CDNF: variants seen among roughly 807,000 people sequenced by gnomAD.
CDNF encodes the protein cerebral dopamine neurotrophic factor, also known as ARMET-like protein 1.
A neutral mutation model predicts 14.8 loss-of-function variants in CDNF; 9 were observed. The ratio of observed to expected loss-of-function variants is 0.61; its 90% CI spans 0.37 to 1.06. The LOEUF (loss-of-function observed/expected upper bound fraction) is 1.06. Among genes scored for constraint, CDNF ranks in the 50% least tolerant of loss-of-function variants. The pLI, the probability that CDNF is intolerant of heterozygous loss-of-function variation, is 0.01. For missense variants in CDNF, 228 were observed against 228.4 expected, an observed-to-expected ratio of 1.00 and a Z score of 0.01; for synonymous variants, 86 against 87.2, an observed-to-expected ratio of 0.99 and a Z score of 0.07.
chr10:14,823,993 T>C (rs551542604), intron 3 of CDNF, among the ~76,000 whole-genome samples: 1 of 152,326 alleles, frequency 6.6e-6, no homozygotes, highest in South Asian at 2.1e-4. Flanking sequence ...ACCTTAAACC[T>C]ACTTAAAGCT....
At chr10:14,831,863 C>T (rs968452928) in intron 1 of CDNF, among the ~76,000 whole-genome samples, 4 of 152,126 alleles carry the variant, frequency 2.6e-5, no homozygotes, top group South Asian at 2.1e-4. Flanking sequence ...TGTGAGCCAC[C>T]GTGCCTAGCC....
intron 3 of CDNF, among the ~76,000 whole-genome samples, chr10:14,821,034 G>T (rs1403683465): frequency 6.6e-6 from 1 of 152,130 alleles, no homozygotes; most frequent in African/African-American, 2.4e-5. Flanking sequence ...AGTTTCCTGA[G>T]GCCTCCCCAG....
At chr10:14,826,149 G>GAGA (rs1374565008) in intron 2 of CDNF, among the ~76,000 whole-genome samples, 4 of 122,632 alleles carry the variant, frequency 3.3e-5, no homozygotes, top group East Asian at 5.5e-4. Flanking sequence ...GAAGGAGAAG[G>GAGA]AGAAGAAGAA....
At chr10:14,837,776 G>T in intron 1 of CDNF, 56 bp downstream of exon 1, 1 of 1,086,754 alleles carries the variant, frequency 9.2e-7, no homozygotes, top group Non-Finnish European at 1.3e-6. Context: ...AAAGCCGACA[G>T]CTGCTGCGCC....
intron 3 of CDNF, among the ~76,000 whole-genome samples, chr10:14,820,441 AC>A (rs780110143): frequency 6.2e-4 from 95 of 152,208 alleles, no homozygotes; most frequent in Non-Finnish European, 1.1e-3. Context: ...AAAAATACAA[AC>A]AGGGCTGGGC....
Position 14,819,787 on chromosome 10 carries a change from C to A in CDNF, c.*193G>T, listed in dbSNP as rs1416781311. On this transcript the variant is annotated 3_prime_UTR_variant, in exon 4 of 4. Transcript: ENST00000465530. ...AAAGGAACTTTTAGCTTTTGGTACA[C>A]TGCAAATGTAAGTTATCAGTAGTAT... 1.3e-5 allele frequency: 7 copies of A among 530,248 alleles called. No homozygotes were observed. The highest frequency in any genetic ancestry group is 2.3e-5 in the Non-Finnish European group (7 of 307,846). The allele number at this position is 530,248 out of a possible 1,614,324, so 32.8% of individuals were successfully genotyped here.
chr10:14,827,987 T>G (rs1833812916), intron 2 of CDNF, among the ~76,000 whole-genome samples, 158 bp downstream of exon 2: 1 of 152,194 alleles, frequency 6.6e-6, no homozygotes, highest in South Asian at 2.1e-4. Context: ...CACGCAGAAC[T>G]ACATGTCACT....
intron 1 of CDNF, among the ~76,000 whole-genome samples, chr10:14,834,763 C>T (rs1029731100): frequency 2.0e-5 from 3 of 152,028 alleles, no homozygotes; most frequent in Non-Finnish European, 4.4e-5. Flanking sequence ...AACAAAGGAG[C>T]GGCACCTGGA....
rs1187077347 is a variant in CDNF at position 14,826,179 on chromosome 10, CAGAAGCAGAAGCAGCAGA to C, written c.244-577_244-560del. ...GAAGAAGAAGAAGCAGAAGCAGCAG[CAGAAGCAGAAGCAGCAGA>C]AGAAGAAGAAGAAGAAGAAGAAGCA... is the stretch of plus-strand genomic sequence containing the variant. On this transcript the variant is annotated intron_variant, in intron 2 of 3. Coordinates refer to ENST00000465530, the MANE Select transcript of CDNF (RefSeq NM_001029954.3). Among the ~76,000 whole-genome samples, 99 of 129,500 alleles carry C rather than the reference CAGAAGCAGAAGCAGCAGA, an allele frequency of 7.6e-4. 3 individuals are homozygous for C. Among genetic ancestry groups the C allele is most frequent in the Middle Eastern group, 4.6e-3 (1 of 216 alleles). The allele number at this position is 129,500 out of a possible 152,430, so 85.0% of individuals were successfully genotyped here.
chr10:14,819,825 T>G lies in CDNF; in HGVS notation c.*155A>C. 1 of 725,822 alleles carries G rather than the reference T, an allele frequency of 1.4e-6. No homozygotes were observed. Among genetic ancestry groups the G allele is most frequent in the African/African-American group, 1.8e-5 (1 of 56,184 alleles). 45.0% of individuals were successfully genotyped at this position (725,822 alleles called of 1,614,324 possible). A position where few individuals can be genotyped will look rare whatever the true frequency, so the allele number is the denominator to read the frequency against. ...TTATCAGTAGTATTAGTTTCACTCA[T>G]AAACCCACGTAACAAAATTCTGAGG... On this transcript the variant is annotated 3_prime_UTR_variant, in exon 4 of 4. Transcript: ENST00000465530.
intron 1 of CDNF, among the ~76,000 whole-genome samples, chr10:14,831,104 A>C (rs952921160): frequency 5.3e-5 from 8 of 152,184 alleles, no homozygotes; most frequent in Non-Finnish European, 8.8e-5. Flanking sequence ...AGATGGAAAT[A>C]GGTTGTAGTT....
At chr10:14,824,423 T>C (rs1833762334) in intron 3 of CDNF, among the ~76,000 whole-genome samples, 1 of 152,050 alleles carries the variant, frequency 6.6e-6, no homozygotes, top group Non-Finnish European at 1.5e-5. Flanking sequence ...CTGGCCAACA[T>C]GGTGAAACCT....
chr10:14,831,301 C>T (rs1213042794), intron 1 of CDNF, among the ~76,000 whole-genome samples: 3 of 152,062 alleles, frequency 2.0e-5, no homozygotes, highest in African/African-American at 7.2e-5. Context: ...AGCTTCAGTG[C>T]TCCCTTCAAC....
At chr10:14,826,125 A>AGCAGC (rs1833786475) in intron 2 of CDNF, among the ~76,000 whole-genome samples, 3 of 137,122 alleles carry the variant, frequency 2.2e-5, no homozygotes, top group Admixed American at 1.5e-4. Flanking sequence ...GCAGCAGCAG[A>AGCAGC]AGCAGGAGAA....
At chr10:14,825,852 A>G (rs1161756970) in intron 2 of CDNF, among the ~76,000 whole-genome samples, 1 of 151,780 alleles carries the variant, frequency 6.6e-6, no homozygotes, top group Non-Finnish European at 1.5e-5. Flanking sequence ...TACAAAAATT[A>G]GCCAGGTGTG....
At chr10:14,825,708 A>C in intron 2 of CDNF, 88 bp from the exon 3 acceptor site, 6 of 1,419,178 alleles carry the variant, frequency 4.2e-6, no homozygotes, top group Non-Finnish European at 4.9e-6. Flanking sequence ...TATCAAGAAG[A>C]AAGAGGTAGG....
At chr10:14,820,981 C>T (rs1388342269) in intron 3 of CDNF, among the ~76,000 whole-genome samples, 1 of 152,070 alleles carries the variant, frequency 6.6e-6, no homozygotes, top group Non-Finnish European at 1.5e-5. Context: ...GCTGCAGTCA[C>T]GTAAGACATG....
intron 2 of CDNF, 49 bp downstream of exon 2, chr10:14,828,096 C>A: frequency 6.3e-7 from 1 of 1,593,092 alleles, no homozygotes; most frequent in Non-Finnish European, 8.6e-7. Flanking sequence ...AAACTATTAG[C>A]AGTATTCTTC....
chr10:14,821,221 T>G (rs1054761724), intron 3 of CDNF, among the ~76,000 whole-genome samples: 2 of 152,004 alleles, frequency 1.3e-5, no homozygotes, highest in African/African-American at 4.8e-5. Flanking sequence ...ATCTCCCTGG[T>G]TCAAGCGATT....
Sources: allele counts gnomAD v4.1 joint callset (sites outside exome capture counted in the v4.1 genomes callset), GRCh38; gene constraint gnomAD v4.1.1; transcripts MANE v1.5; gene names NCBI Gene and HGNC (gene_info 2026-07-23, HGNC 2026-07-21).